Variants in ACVR2A observed in about 807,000 individuals in gnomAD.
ACVR2A encodes activin receptor type-2A.
ACVR2A carries 7 observed loss-of-function variants against 61.4 expected under a neutral mutation model. That is an observed-to-expected ratio of 0.11 (90% CI 0.06 to 0.21). The LOEUF is 0.21. Among genes scored for constraint, ACVR2A ranks in the 10% least tolerant of loss-of-function variants. The probability of loss-of-function intolerance (pLI) is 1.00; values close to 1 mark genes in which losing one functional copy is unlikely to be tolerated. For missense variants in ACVR2A, 322 were observed against 621.7 expected, an observed-to-expected ratio of 0.52 and a Z score of 5.13; for synonymous variants, 193 against 208.3, an observed-to-expected ratio of 0.93 and a Z score of 0.63.
Position 147,930,627 on chromosome 2 carries a change from C to G in ACVR2A, c.*3353C>G, listed in dbSNP as rs956242785. 6.6e-6 allele frequency: 1 copy of G among 152,320 alleles called. No homozygotes were observed. The highest frequency in any genetic ancestry group is 2.4e-5 in the African/African-American group (1 of 41,380). 9.4% of individuals were successfully genotyped at this position (152,320 alleles called of 1,614,324 possible). ...GGTAAGCAGTTATTTTCGCTTTACT[C>G]TGTATTTCTTGTGTTTTGGGCACAG... On this transcript the variant is annotated 3_prime_UTR_variant, in exon 11 of 11. Transcript: ENST00000241416.
chr2:147,899,107 CTT>C (rs1459255690), intron 2 of ACVR2A, among the ~76,000 whole-genome samples: 5 of 152,204 alleles, frequency 3.3e-5, no homozygotes, highest in African/African-American at 1.2e-4. Flanking sequence ...CAAAAGCACT[CTT>C]TGACCAAATT....
chr2:147,906,099 T>A (rs1686983421), intron 4 of ACVR2A, among the ~76,000 whole-genome samples: 1 of 152,014 alleles, frequency 6.6e-6, no homozygotes, highest in Non-Finnish European at 1.5e-5. Flanking sequence ...AGGAAGTGAG[T>A]TTGTTTTTTT....
At chr2:147,870,081 G>A (rs1203811670) in intron 1 of ACVR2A, among the ~76,000 whole-genome samples, 2 of 150,314 alleles carry the variant, frequency 1.3e-5, no homozygotes, top group African/African-American at 4.9e-5. Flanking sequence ...CGTATGAGGA[G>A]GGGGGATGTG....
At chr2:147,923,206 G>GA (rs943726819) in intron 9 of ACVR2A, 95 bp downstream of exon 9, 373 of 1,346,560 alleles carry the variant, frequency 2.8e-4, no homozygotes, top group Non-Finnish European at 3.5e-4. Flanking sequence ...TTAAAGTACA[G>GA]TTTTTTTTTA....
At chr2:147,905,733 C>A (rs1254087743) in intron 4 of ACVR2A, among the ~76,000 whole-genome samples, 1 of 151,916 alleles carries the variant, frequency 6.6e-6, no homozygotes, top group Non-Finnish European at 1.5e-5. Flanking sequence ...GTTATCTCGA[C>A]ATGCAGGTTG....
intron 4 of ACVR2A, among the ~76,000 whole-genome samples, chr2:147,910,681 T>C (rs1308009029): frequency 6.6e-6 from 1 of 152,124 alleles, no homozygotes; most frequent in Non-Finnish European, 1.5e-5. Context: ...GGTGATCATA[T>C]TTCTTTTAAT....
chr2:147,881,089 A>G (rs1686287209), intron 1 of ACVR2A, among the ~76,000 whole-genome samples: 1 of 152,210 alleles, frequency 6.6e-6, no homozygotes, highest in Admixed American at 6.5e-5. Flanking sequence ...ATTATTAAAA[A>G]GGCACAGGGA....
chr2:147,896,355 G>T lies in ACVR2A; in HGVS notation c.110G>T (p.Trp37Leu). ...TQECLFFNAN[W>L]EKDRTNQTGV... ...GAGTGTCTTTTCTTTAATGCTAATTGGGAAAAAGACAGAACCAATCAAACT... is the reference window on the plus strand; with the variant it reads ...GAGTGTCTTTTCTTTAATGCTAATTTGGAAAAAGACAGAACCAATCAAACT... Residue 37 changes from tryptophan to leucine, a missense_variant, in exon 2 of 11, where the codon TGG (tryptophan) becomes TTG (leucine). By Grantham distance (61) the Trp-to-Leu change is moderately conservative (BLOSUM62 -2). Coordinates refer to ENST00000241416, the MANE Select transcript of ACVR2A (RefSeq NM_001616.5). 6.2e-7 allele frequency: 1 copy of T among 1,613,826 alleles called. No individual in the cohort carries two copies. Among genetic ancestry groups the T allele is most frequent in the Non-Finnish European group, 8.5e-7 (1 of 1,179,894 alleles).
intron 1 of ACVR2A, among the ~76,000 whole-genome samples, chr2:147,886,268 G>T (rs1029448438): frequency 5.9e-5 from 9 of 152,106 alleles, no homozygotes; most frequent in African/African-American, 1.4e-4. Flanking sequence ...GCAATGACAC[G>T]TGAAAGGGAA....
At chr2:147,878,144 A>G (rs1328762201) in intron 1 of ACVR2A, among the ~76,000 whole-genome samples, 1 of 152,218 alleles carries the variant, frequency 6.6e-6, no homozygotes, top group Non-Finnish European at 1.5e-5. Context: ...GGCAGTGTTA[A>G]TATAGCAAGA....
chr2:147,844,898 T>G, upstream of ACVR2A: 1 of 406,390 alleles, frequency 2.5e-6, no homozygotes, highest in Non-Finnish European at 4.3e-6. Context: ...CGTTGTTTGG[T>G]TTTGTGTGTT....
At position 147,929,732 on chromosome 2, in the gene ACVR2A, A is replaced by T. The variant is rs1687613842; in HGVS notation, c.*2458A>T. The T allele has an allele frequency of 1.4e-5, 2 of 147,626 alleles. No homozygotes were observed. Among genetic ancestry groups the T allele is most frequent in the East Asian group, 3.9e-4 (2 of 5,136 alleles). 9.1% of individuals were successfully genotyped at this position (147,626 alleles called of 1,614,324 possible). A position where few individuals can be genotyped will look rare whatever the true frequency, so the allele number is the denominator to read the frequency against. On this transcript the variant is annotated 3_prime_UTR_variant, in exon 11 of 11. Transcript: ENST00000241416. ...AGAAAGTTTGAGCTAGAGATACTGG[A>T]AAAAAAAAAGATCAAAGAATGAGAA...
intron 1 of ACVR2A, among the ~76,000 whole-genome samples, chr2:147,882,223 T>C (rs1324114152): frequency 1.3e-5 from 2 of 152,242 alleles, no homozygotes; most frequent in Admixed American, 1.3e-4. Flanking sequence ...TTTGGATGCT[T>C]GCCTTTGTAA....
intron 4 of ACVR2A, among the ~76,000 whole-genome samples, chr2:147,906,393 A>G (rs561977766): frequency 6.6e-6 from 1 of 152,292 alleles, no homozygotes; most frequent in African/African-American, 2.4e-5. Context: ...TCTGGGGCCT[A>G]CAGTTAATAT....
At chr2:147,875,643 T>C (rs1686135234) in intron 1 of ACVR2A, among the ~76,000 whole-genome samples, 1 of 152,074 alleles carries the variant, frequency 6.6e-6, no homozygotes, top group South Asian at 2.1e-4. Flanking sequence ...TGTTTCTTAT[T>C]ACCTCCAGAG....
In ACVR2A at chr2:147,865,869, AAGCAGCTTTTGG is replaced by A. The variant is rs1685839443; in HGVS notation, c.55+20665_55+20676del. Among the ~76,000 whole-genome samples, 3 of 152,312 alleles carry A rather than the reference AAGCAGCTTTTGG, an allele frequency of 2.0e-5. No homozygotes were observed. The South Asian group carries it at 6.2e-4, about 32-fold the overall frequency. On this transcript the variant is annotated intron_variant, in intron 1 of 10. Coordinates refer to ENST00000241416, the MANE Select transcript of ACVR2A (RefSeq NM_001616.5). The stretch of plus-strand genomic sequence containing the variant: ...ATGTTAGAGTCCCTTGGGATAGCAG[AAGCAGCTTTTGG>A]AGTGGGGTCAGGTAATTTTTCCTAC...
Position 147,927,220 on chromosome 2 carries a change from A to G in ACVR2A, c.1488A>G (p.Thr496=). Residue 496 remains threonine, a synonymous_variant, in exon 11 of 11, where the codon ACA becomes ACG. Transcript: ENST00000241416. ...TTATTACCACAGAGGACATTGTAACAGTGGTCACAATGGTGACAAATGTTG... is the reference window on the plus strand; with the variant it reads ...TTATTACCACAGAGGACATTGTAACGGTGGTCACAATGGTGACAAATGTTG... ...TNIITTEDIV[T]VVTMVTNVDF... is the part of the protein sequence containing the mutation. 2 of 1,612,134 alleles carry G rather than the reference A, an allele frequency of 1.2e-6. No individual in the cohort carries two copies. Among genetic ancestry groups the G allele is most frequent in the South Asian group, 1.1e-5 (1 of 91,020 alleles).
chr2:147,899,784 C>T lies in ACVR2A; in HGVS notation c.414C>T (p.Asn138=), dbSNP rs1264807595. The T allele has an allele frequency of 1.2e-6, 2 of 1,613,610 alleles. No individual in the cohort carries two copies. The highest frequency in any genetic ancestry group is 1.7e-6 in the Non-Finnish European group (2 of 1,179,734). Residue 138 remains asparagine (N), a synonymous_variant, in exon 4 of 11, where the codon AAC becomes AAT. Transcript: ENST00000241416. ...NPVTPKPPYY[N]ILLYSLVPLM... ...TTACACCTAAGCCACCCTATTACAA[C>T]ATCCTGCTCTATTCCTTGGTGCCAC...
chr2:147,868,313 T>C (rs144917337), intron 1 of ACVR2A, among the ~76,000 whole-genome samples: 12 of 152,284 alleles, frequency 7.9e-5, no homozygotes, highest in Non-Finnish European at 1.8e-4. Flanking sequence ...ATAATATTTA[T>C]AGATAATGCT....
Sources: allele counts gnomAD v4.1 joint callset (sites outside exome capture counted in the v4.1 genomes callset), GRCh38; gene constraint gnomAD v4.1.1; transcripts MANE v1.5; gene names NCBI Gene and HGNC (gene_info 2026-07-23, HGNC 2026-07-21).